The following JARID2 variants were observed in gnomAD, a reference collection of about 807,000 sequenced individuals.
JARID2 encodes the protein protein Jumonji.
A neutral mutation model predicts 125.6 loss-of-function variants in JARID2; 21 were observed. That is an observed-to-expected ratio of 0.17 (90% CI 0.12 to 0.24). The LOEUF (loss-of-function observed/expected upper bound fraction) is 0.24. Ranked by LOEUF, JARID2 falls within the 10% of genes least tolerant of loss-of-function variation. The pLI is 1.00. For missense variants in JARID2, 1,303 were observed against 1,639.6 expected (o/e 0.79, Z 3.55); for synonymous variants, 736 against 661.6 (o/e 1.11, Z -1.73).
At chr6:15,349,905 GT>G (rs1022285038) in intron 1 of JARID2, among the ~76,000 whole-genome samples, 15 of 152,064 alleles carry the variant, frequency 9.9e-5, no homozygotes, top group African/African-American at 3.4e-4. Context: ...CAATGACAGA[GT>G]TTATTCTCAG....
In JARID2 at chr6:15,265,747, C is replaced by CAGCAT. The variant is rs535671538; in HGVS notation, c.45+19164_45+19168dup. 4.6e-5 allele frequency among the ~76,000 whole-genome samples: 7 copies of CAGCAT among 152,254 alleles called. No homozygotes were observed. In the South Asian group the frequency reaches 1.5e-3, roughly 32 times the overall value. On this transcript the variant is annotated intron_variant, in intron 1 of 17. Transcript: ENST00000341776. ...TCCCCAGGGACCTGATGAGCCCGGG[C>CAGCAT]AGCATGTTCACTTGCTTTTGGACTG...
At chr6:15,256,649 G>C (rs1383698009) in intron 1 of JARID2, among the ~76,000 whole-genome samples, 1 of 152,112 alleles carries the variant, frequency 6.6e-6, no homozygotes, top group Non-Finnish European at 1.5e-5. Flanking sequence ...CTACTTGCTT[G>C]GTGAATGGAT....
chr6:15,348,931 G>A (rs1763336498), intron 1 of JARID2, among the ~76,000 whole-genome samples: 1 of 152,202 alleles, frequency 6.6e-6, no homozygotes, highest in South Asian at 2.1e-4. Context: ...ACCATCTGAA[G>A]CAATAGGATG....
At chr6:15,382,723 C>G (rs907955626) in intron 2 of JARID2, among the ~76,000 whole-genome samples, 1 of 152,204 alleles carries the variant, frequency 6.6e-6, no homozygotes, top group Non-Finnish European at 1.5e-5. Flanking sequence ...GACAGTGAGG[C>G]GCCACGCTTC....
At chr6:15,289,004 G>A (rs777652804) in intron 1 of JARID2, among the ~76,000 whole-genome samples, 2 of 152,206 alleles carry the variant, frequency 1.3e-5, no homozygotes, top group Non-Finnish European at 2.9e-5. Flanking sequence ...AGCAGGGGTG[G>A]TTGTCCAAGC....
chr6:15,455,894 A>G (rs1768154974), intron 4 of JARID2, among the ~76,000 whole-genome samples: 1 of 152,220 alleles, frequency 6.6e-6, no homozygotes, highest in Admixed American at 6.5e-5. Flanking sequence ...AGGAATTTTG[A>G]TGTCTAAAAT....
intron 9 of JARID2, among the ~76,000 whole-genome samples, chr6:15,506,298 A>C (rs1320965712): frequency 2.0e-5 from 3 of 152,190 alleles, no homozygotes. Context: ...AGGCTTGGGC[A>C]CTCAGGGAGT....
chr6:15,307,422 C>T (rs1047742924), intron 1 of JARID2, among the ~76,000 whole-genome samples: 8 of 151,968 alleles, frequency 5.3e-5, no homozygotes, highest in Non-Finnish European at 8.8e-5. Context: ...GGGGTTTTGC[C>T]ATGTTGCCCA....
At chr6:15,373,799 A>C (rs1029720563) in intron 1 of JARID2, among the ~76,000 whole-genome samples, 4 of 152,208 alleles carry the variant, frequency 2.6e-5, no homozygotes, top group African/African-American at 9.6e-5. Context: ...GGGTATAACA[A>C]CACCTTTTTC....
At chr6:15,316,854 G>A (rs1438438912) in intron 1 of JARID2, among the ~76,000 whole-genome samples, 1 of 152,026 alleles carries the variant, frequency 6.6e-6, no homozygotes, top group Non-Finnish European at 1.5e-5. Context: ...TGGTTAATAG[G>A]ATGGCTACAG....
intron 16 of JARID2, among the ~76,000 whole-genome samples, chr6:15,516,335 G>A (rs1268601977): frequency 6.6e-6 from 1 of 152,230 alleles, no homozygotes; most frequent in Admixed American, 6.5e-5. Flanking sequence ...AATTAGAATA[G>A]GACTTGGAGT....
At chr6:15,374,789 A>G (rs893222616) in intron 2 of JARID2, among the ~76,000 whole-genome samples, 8 of 152,218 alleles carry the variant, frequency 5.3e-5, no homozygotes, top group African/African-American at 9.6e-5. Context: ...TTGTTCCTAT[A>G]TGAGTTTGTT....
intron 4 of JARID2, among the ~76,000 whole-genome samples, chr6:15,465,928 C>T (rs1029015969): frequency 6.6e-5 from 10 of 151,984 alleles, no homozygotes; most frequent in Non-Finnish European, 8.8e-5. Flanking sequence ...CTCAGCCTCC[C>T]GAGTAGCTGG....
At chr6:15,248,227 G>A (rs1236521590) in intron 1 of JARID2, 1 of 278,748 alleles carries the variant, frequency 3.6e-6, no homozygotes, top group Non-Finnish European at 5.4e-6. Context: ...GAAAGGGACG[G>A]CCCGCGGGGG....
chr6:15,379,390 A>T (rs1764494452), intron 2 of JARID2, among the ~76,000 whole-genome samples: 1 of 152,218 alleles, frequency 6.6e-6, no homozygotes, highest in Non-Finnish European at 1.5e-5. Context: ...TTTGGAAAGG[A>T]CTGGCAGAGG....
chr6:15,297,400 G>T (rs956230811), intron 1 of JARID2, among the ~76,000 whole-genome samples: 2 of 151,810 alleles, frequency 1.3e-5, no homozygotes, highest in African/African-American at 4.8e-5. Context: ...TACCCGCCTC[G>T]GCCTGGGATT....
intron 2 of JARID2, among the ~76,000 whole-genome samples, chr6:15,408,622 GATTTA>G (rs1222606898): frequency 6.6e-6 from 1 of 152,136 alleles, no homozygotes; most frequent in Non-Finnish European, 1.5e-5. Flanking sequence ...TAATATATTT[GATTTA>G]ATCTACTCCA....
chr6:15,426,929 T>TGG (rs35710386), intron 3 of JARID2, among the ~76,000 whole-genome samples: 1 of 152,146 alleles, frequency 6.6e-6, no homozygotes, highest in Non-Finnish European at 1.5e-5. Flanking sequence ...GCCTGAGTAA[T>TGG]GGGGGGTACA....
At chr6:15,473,130 T>G (rs1039871306) in intron 5 of JARID2, among the ~76,000 whole-genome samples, 2 of 152,260 alleles carry the variant, frequency 1.3e-5, no homozygotes, top group Non-Finnish European at 2.9e-5. Flanking sequence ...AAACTCATTT[T>G]ATTGTGATAA....
Sources: gnomAD v4.1 joint callset for allele counts (sites outside exome capture counted in the v4.1 genomes callset) on GRCh38, gnomAD v4.1.1 for gene constraint, MANE v1.5 for transcripts, NCBI Gene and HGNC (gene_info 2026-07-23, HGNC 2026-07-21) for gene names.